RUNX1: variants seen among roughly 807,000 people sequenced by gnomAD.
The protein encoded by RUNX1 is RUNX family transcription factor 1.
RUNX1 carries 19 observed loss-of-function variants against 42.8 expected under a neutral mutation model. That is an observed-to-expected ratio of 0.44 (90% CI 0.31 to 0.65). RUNX1 has a LOEUF of 0.65. Ranked by LOEUF, RUNX1 falls within the 30% of genes least tolerant of loss-of-function variation. The probability of loss-of-function intolerance (pLI) is 0.07; values close to 1 mark genes in which losing one functional copy is unlikely to be tolerated. For missense variants in RUNX1, 528 were observed against 672.0 expected, an observed-to-expected ratio of 0.79 and a Z score of 2.37; for synonymous variants, 271 against 289.4, an observed-to-expected ratio of 0.94 and a Z score of 0.64.
At chr21:34,925,576 G>A (rs2058386793) in intron 2 of RUNX1, among the ~76,000 whole-genome samples, 1 of 152,158 alleles carries the variant, frequency 6.6e-6, no homozygotes, top group Admixed American at 6.5e-5. Context: ...ACTGGGAAGA[G>A]GTAAGGAAGG....
intron 2 of RUNX1, among the ~76,000 whole-genome samples, chr21:34,923,626 T>C (rs933621974): frequency 8.5e-5 from 13 of 152,212 alleles, no homozygotes; most frequent in African/African-American, 3.1e-4. Flanking sequence ...AACCTGAACT[T>C]GTGGCTGACC....
intron 6 of RUNX1, among the ~76,000 whole-genome samples, chr21:34,838,460 T>C (rs2057181871): frequency 6.6e-6 from 1 of 152,246 alleles, no homozygotes; most frequent in Non-Finnish European, 1.5e-5. Context: ...GCCAAATCTA[T>C]GCAAAAGCAT....
intron 5 of RUNX1, among the ~76,000 whole-genome samples, chr21:34,876,427 C>A (rs1026984440): frequency 3.3e-5 from 5 of 152,162 alleles, no homozygotes; most frequent in Non-Finnish European, 7.4e-5. Flanking sequence ...GCTAAGCTGG[C>A]CCTCCATGAT....
chr21:34,829,413 A>G (rs1432524129), intron 7 of RUNX1, among the ~76,000 whole-genome samples: 2 of 152,220 alleles, frequency 1.3e-5, no homozygotes, highest in Non-Finnish European at 2.9e-5. Context: ...GAATCTCTGC[A>G]GTCATCCCAC....
intron 2 of RUNX1, among the ~76,000 whole-genome samples, chr21:34,895,842 G>T (rs62211818): frequency 0.2 from 30,538 of 151,994 alleles, 3,285 homozygotes; most frequent in Non-Finnish European, 0.24. Context: ...GCCAAACAGG[G>T]AAATAACAAA....
At chr21:34,832,541 A>G (rs78738280) in intron 7 of RUNX1, among the ~76,000 whole-genome samples, 1,863 of 152,320 alleles carry the variant, frequency 0.012, 25 homozygotes, top group Non-Finnish European at 0.019. Context: ...CTAAGAAAAC[A>G]GTCTTCCTTT....
intron 5 of RUNX1, among the ~76,000 whole-genome samples, chr21:34,876,977 C>T (rs2057823276): frequency 6.6e-6 from 1 of 152,164 alleles, no homozygotes; most frequent in Admixed American, 6.5e-5. Flanking sequence ...CTGCCTCATC[C>T]TCCTGAGTAG....
intron 7 of RUNX1, among the ~76,000 whole-genome samples, chr21:34,820,834 G>A (rs905256031): frequency 3.9e-4 from 60 of 152,256 alleles, no homozygotes; most frequent in Admixed American, 3.9e-3. Flanking sequence ...ACCAACCCTA[G>A]AGACTGTTCT....
chr21:34,986,108 G>A (rs532940243), intron 2 of RUNX1, among the ~76,000 whole-genome samples: 1 of 152,084 alleles, frequency 6.6e-6, no homozygotes, highest in Admixed American at 6.5e-5. Context: ...CTGGGCTCAA[G>A]GGATCCCGCC....
chr21:35,048,818 A>G (rs2059418880), intron 2 of RUNX1, 24 bp downstream of exon 2: 1 of 1,602,168 alleles, frequency 6.2e-7, no homozygotes, highest in South Asian at 1.1e-5. Context: ...AAAAGTAGAT[A>G]TTACAAGACC....
At chr21:34,935,727 C>T (rs532057070) in intron 2 of RUNX1, among the ~76,000 whole-genome samples, 2 of 152,104 alleles carry the variant, frequency 1.3e-5, no homozygotes, top group South Asian at 2.1e-4. Flanking sequence ...CTATTAGATG[C>T]CATTAGCCTC....
At chr21:35,009,931 C>T (rs1197160544) in intron 2 of RUNX1, among the ~76,000 whole-genome samples, 1 of 152,140 alleles carries the variant, frequency 6.6e-6, no homozygotes, top group East Asian at 1.9e-4. Flanking sequence ...CACTTGCAAG[C>T]ATTAAGGTCC....
At chr21:34,832,537 A>C (rs552923316) in intron 7 of RUNX1, among the ~76,000 whole-genome samples, 1 of 152,350 alleles carries the variant, frequency 6.6e-6, no homozygotes, top group East Asian at 1.9e-4. Context: ...GAGACTAAGA[A>C]AACAGTCTTC....
chr21:34,988,994 A>ATCTCTC (rs905748186), intron 2 of RUNX1, among the ~76,000 whole-genome samples: 12 of 134,824 alleles, frequency 8.9e-5, no homozygotes, highest in East Asian at 4.1e-4. Flanking sequence ...GCTGGCCCAG[A>ATCTCTC]TCTCTCTCTC....
At chr21:34,969,576 G>C (rs1230584275) in intron 2 of RUNX1, among the ~76,000 whole-genome samples, 2 of 152,118 alleles carry the variant, frequency 1.3e-5, no homozygotes, top group Non-Finnish European at 2.9e-5. Flanking sequence ...AACAGCGAGA[G>C]GCACTTTGTA....
chr21:34,985,267 G>A (rs1439951360), intron 2 of RUNX1, among the ~76,000 whole-genome samples: 1 of 152,144 alleles, frequency 6.6e-6, no homozygotes, highest in African/African-American at 2.4e-5. Flanking sequence ...GACAGAGCAG[G>A]GAGTAATAGG....
At chr21:34,924,438 C>A (rs1269941806) in intron 2 of RUNX1, among the ~76,000 whole-genome samples, 1 of 152,124 alleles carries the variant, frequency 6.6e-6, no homozygotes, top group South Asian at 2.1e-4. Flanking sequence ...CTAGTGATAT[C>A]AGGGTAGAGT....
At chr21:35,025,945 T>C (rs2059232849) in intron 2 of RUNX1, among the ~76,000 whole-genome samples, 1 of 152,182 alleles carries the variant, frequency 6.6e-6, no homozygotes, top group African/African-American at 2.4e-5. Flanking sequence ...GGACTGTTTC[T>C]ACTCTATGTT....
chr21:34,799,905 G>A (rs554022156), intron 7 of RUNX1, among the ~76,000 whole-genome samples: 14 of 152,276 alleles, frequency 9.2e-5, no homozygotes, highest in Admixed American at 8.5e-4. Context: ...CGGTAAGAAC[G>A]TAGAGTTTTG....
Sources: gnomAD v4.1 joint callset for allele counts (sites outside exome capture counted in the v4.1 genomes callset) on GRCh38, gnomAD v4.1.1 for gene constraint, MANE v1.5 for transcripts, NCBI Gene and HGNC (gene_info 2026-07-23, HGNC 2026-07-21) for gene names.